The following GNB4 variants were observed in gnomAD, a reference collection of about 807,000 sequenced individuals.
The protein encoded by GNB4 is G protein subunit beta 4.
Under a neutral mutation model 45.2 loss-of-function variants are expected in GNB4, and 28 were observed. The ratio of observed to expected loss-of-function variants is 0.62; its 90% CI spans 0.46 to 0.85. The LOEUF is 0.85. GNB4 is among the 40% of genes least tolerant of loss of function. The pLI is 0.00. For synonymous variants in GNB4, 132 were observed against 143.7 expected (o/e 0.92, Z 0.58); for missense variants, 321 against 425.4 (o/e 0.75, Z 2.16).
chr3:179,402,890 T>G (rs1714344353), intron 9 of GNB4, among the ~76,000 whole-genome samples: 1 of 152,150 alleles, frequency 6.6e-6, no homozygotes, highest in African/African-American at 2.4e-5. Context: ...TCCTGCGCTG[T>G]GGCGTAAGGC....
chr3:179,452,778 TAAG>T (rs1455297402), upstream of GNB4, among the ~76,000 whole-genome samples: 1 of 152,198 alleles, frequency 6.6e-6, no homozygotes, highest in Admixed American at 6.5e-5. Flanking sequence ...ATTTTTCCAT[TAAG>T]AAGAAAGAAA....
chr3:179,450,732 A>T (rs1715847577), intron 1 of GNB4, among the ~76,000 whole-genome samples: 1 of 152,248 alleles, frequency 6.6e-6, no homozygotes, highest in Admixed American at 6.5e-5. Context: ...TGTGTTCTGA[A>T]GCAGAAAAAG....
intron 8 of GNB4, among the ~76,000 whole-genome samples, chr3:179,408,599 T>A (rs908012537): frequency 7.2e-5 from 11 of 151,944 alleles, no homozygotes; most frequent in African/African-American, 2.7e-4. Context: ...AAGACCAGCC[T>A]GGCCAATGTA....
At chr3:179,424,538 T>A (rs1715088648) in intron 2 of GNB4, among the ~76,000 whole-genome samples, 1 of 152,250 alleles carries the variant, frequency 6.6e-6, no homozygotes, top group Non-Finnish European at 1.5e-5. Context: ...TCAACACTTT[T>A]CTGGTGAATG....
the GNB4 span, among the ~76,000 whole-genome samples, chr3:179,518,938 A>G: frequency 2.6e-5 from 4 of 152,234 alleles, no homozygotes; most frequent in African/African-American, 9.6e-5. Context: ...ACCCTGCAAC[A>G]GGACTTAATT....
intron 8 of GNB4, among the ~76,000 whole-genome samples, chr3:179,412,209 T>A (rs1396239620): frequency 2.6e-5 from 4 of 152,096 alleles, no homozygotes; most frequent in African/African-American, 9.7e-5. Context: ...GCTCACTCCT[T>A]GTAATCCCAG....
chr3:179,501,525 G>A, the GNB4 span, among the ~76,000 whole-genome samples: 5 of 148,238 alleles, frequency 3.4e-5, no homozygotes, highest in South Asian at 4.3e-4. Flanking sequence ...GCATTTTGTC[G>A]TGTTGCCCAG....
At chr3:179,423,667 G>A (rs1261465380) in intron 2 of GNB4, among the ~76,000 whole-genome samples, 1 of 152,140 alleles carries the variant, frequency 6.6e-6, no homozygotes, top group Non-Finnish European at 1.5e-5. Context: ...TATAGACCCA[G>A]CTTCTCAGGA....
At chr3:179,457,779 G>A in the GNB4 span, among the ~76,000 whole-genome samples, 1 of 152,186 alleles carries the variant, frequency 6.6e-6, no homozygotes, top group African/African-American at 2.4e-5. Flanking sequence ...ACGTGGGGTG[G>A]AAGTGGAACA....
upstream of GNB4, among the ~76,000 whole-genome samples, chr3:179,453,233 G>C (rs1009181948): frequency 1.3e-5 from 2 of 152,132 alleles, no homozygotes; most frequent in East Asian, 3.9e-4. Flanking sequence ...AGCGATTCTC[G>C]TGTCTCAGCC....
upstream of GNB4, among the ~76,000 whole-genome samples, chr3:179,451,901 G>A (rs1715892345): frequency 6.6e-6 from 1 of 152,256 alleles, no homozygotes; most frequent in Non-Finnish European, 1.5e-5. Context: ...AATTCTAAAT[G>A]TCAGAAAGTA....
At chr3:179,503,428 T>G in the GNB4 span, among the ~76,000 whole-genome samples, 2 of 152,258 alleles carry the variant, frequency 1.3e-5, no homozygotes, top group African/African-American at 4.8e-5. Flanking sequence ...CTTTTTGGAA[T>G]GTTTAAACTT....
chr3:179,436,850 C>A (rs548972218), intron 1 of GNB4, among the ~76,000 whole-genome samples: 1 of 152,038 alleles, frequency 6.6e-6, no homozygotes, highest in Non-Finnish European at 1.5e-5. Context: ...TTTTCAGTAC[C>A]CTTAAAGTAA....
intron 4 of GNB4, among the ~76,000 whole-genome samples, chr3:179,418,011 T>A (rs1216744021): frequency 6.6e-6 from 1 of 152,204 alleles, no homozygotes; most frequent in Non-Finnish European, 1.5e-5. Flanking sequence ...TGAGATAGGT[T>A]CCTGGATGAT....
At chr3:179,511,581 T>G in the GNB4 span, among the ~76,000 whole-genome samples, 1 of 152,198 alleles carries the variant, frequency 6.6e-6, no homozygotes, top group Admixed American at 6.5e-5. Context: ...ACTTACTGAC[T>G]CAGTAAGCAC....
At chr3:179,489,986 T>G in the GNB4 span, among the ~76,000 whole-genome samples, 1 of 152,354 alleles carries the variant, frequency 6.6e-6, no homozygotes, top group Non-Finnish European at 1.5e-5. Context: ...GGCCATTTCT[T>G]CTTTTTAACC....
chr3:179,475,095 C>T, the GNB4 span, among the ~76,000 whole-genome samples: 1 of 151,720 alleles, frequency 6.6e-6, no homozygotes, highest in Non-Finnish European at 1.5e-5. Context: ...GGGCCAAACT[C>T]GCTTTATTTT....
Position 179,451,334 on chromosome 3 carries a change from C to G in GNB4, c.-43+12G>C, listed in dbSNP as rs868046687. The G allele has an allele frequency of 6.6e-6, 1 of 151,308 alleles. No individual in the cohort carries two copies. The highest frequency in any genetic ancestry group is 1.5e-5 in the Non-Finnish European group (1 of 67,706). 9.4% of individuals were successfully genotyped at this position (151,308 alleles called of 1,614,324 possible). ...GCACCGACGAGCCGCCGCTCGCGAG[C>G]TCGCCGCCTACCTGGAGGGAGCTCA... On this transcript the variant is annotated intron_variant, in intron 1 of 9. Transcript: ENST00000232564.
chr3:179,430,387 G>A (rs1715275577), intron 1 of GNB4, among the ~76,000 whole-genome samples: 1 of 151,960 alleles, frequency 6.6e-6, no homozygotes, highest in Admixed American at 6.6e-5. Flanking sequence ...ACTGTACCTG[G>A]CCCTTCCTTT....
Sources: allele counts gnomAD v4.1 joint callset (sites outside exome capture counted in the v4.1 genomes callset), GRCh38; gene constraint gnomAD v4.1.1; transcripts MANE v1.5; gene names NCBI Gene and HGNC (gene_info 2026-07-23, HGNC 2026-07-21).